MINDY4B: variants seen among roughly 807,000 people sequenced by gnomAD.
MINDY4B encodes the protein MINDY family member 4B.
MINDY4B carries 25 observed loss-of-function variants against 16.7 expected under a neutral mutation model. The observed-to-expected ratio is 1.49, with a 90% confidence interval of 1.09 to 2.09. The LOEUF is 2.09. Among genes scored for constraint, MINDY4B ranks in the 30% most tolerant of loss-of-function variants. The pLI, the probability that MINDY4B is intolerant of heterozygous loss-of-function variation, is 0.00. For synonymous variants in MINDY4B, 132 were observed against 61.9 expected (o/e 2.13, Z -5.32); for missense variants, 327 against 168.4 (o/e 1.94, Z -5.21).
At chr3:150,897,352 T>C (rs1336018834) in intron 3 of MINDY4B, among the ~76,000 whole-genome samples, 2 of 151,614 alleles carry the variant, frequency 1.3e-5, no homozygotes, top group Non-Finnish European at 2.9e-5. Flanking sequence ...TGTGTGTGTG[T>C]GTGTGTGTGT....
chr3:150,904,357 T>C (rs1712191453), intron 2 of MINDY4B, among the ~76,000 whole-genome samples: 1 of 152,244 alleles, frequency 6.6e-6, no homozygotes, highest in South Asian at 2.1e-4. Context: ...ATTTAGACTG[T>C]GGTTAAGAGA....
At chr3:150,873,490 G>A (rs540615306) in intron 10 of MINDY4B, 123 bp from the exon 11 acceptor site, 1 of 607,044 alleles carries the variant, frequency 1.6e-6, no homozygotes, top group Non-Finnish European at 2.9e-6. Flanking sequence ...CGCGTGCAGG[G>A]CACTGTACAT....
chr3:150,895,520 C>T (rs1011769184), intron 3 of MINDY4B, among the ~76,000 whole-genome samples: 13 of 152,084 alleles, frequency 8.5e-5, no homozygotes, highest in Non-Finnish European at 1.0e-4. Context: ...GGCTGGAGTA[C>T]GCTGTCACGA....
chr3:150,877,281 T>C (rs1711498133), intron 10 of MINDY4B, among the ~76,000 whole-genome samples: 1 of 152,088 alleles, frequency 6.6e-6, no homozygotes, highest in Non-Finnish European at 1.5e-5. Flanking sequence ...CATCAGTACA[T>C]AAAAATAACC....
chr3:150,897,412 T>A (rs1230183656), intron 3 of MINDY4B, among the ~76,000 whole-genome samples: 2 of 147,476 alleles, frequency 1.4e-5, no homozygotes, highest in Non-Finnish European at 3.0e-5. Flanking sequence ...GATTGCAAAG[T>A]ACCCTGGGCC....
intron 10 of MINDY4B, among the ~76,000 whole-genome samples, chr3:150,876,898 C>T (rs574445): frequency 0.45 from 68,261 of 151,892 alleles, 17,084 homozygotes; most frequent in Non-Finnish European, 0.57. Context: ...GGTATTGGAA[C>T]CTCACACTCA....
intron 7 of MINDY4B, among the ~76,000 whole-genome samples, chr3:150,889,065 G>A (rs928547881): frequency 6.6e-6 from 1 of 152,158 alleles, no homozygotes; most frequent in African/African-American, 2.4e-5. Flanking sequence ...AACATTTCAC[G>A]TCAGGTACTT....
chr3:150,894,880 A>T (rs1471346694), intron 3 of MINDY4B, among the ~76,000 whole-genome samples: 1 of 152,248 alleles, frequency 6.6e-6, no homozygotes, highest in African/African-American at 2.4e-5. Context: ...CTTGTGTGGG[A>T]TATAGTTATG....
At chr3:150,893,632 CT>C (rs1309463905) in intron 4 of MINDY4B, among the ~76,000 whole-genome samples, 1 of 143,958 alleles carries the variant, frequency 6.9e-6, no homozygotes, top group Non-Finnish European at 1.5e-5. Context: ...GGACTGGTGA[CT>C]GGGGATGTAT....
At chr3:150,879,827 T>C (rs1026184891) in intron 10 of MINDY4B, among the ~76,000 whole-genome samples, 1 of 152,206 alleles carries the variant, frequency 6.6e-6, no homozygotes, top group Admixed American at 6.5e-5. Flanking sequence ...AGGGTTGACA[T>C]CACTGCTCTC....
intron 10 of MINDY4B, among the ~76,000 whole-genome samples, chr3:150,880,774 T>G (rs960542849): frequency 6.6e-6 from 1 of 152,222 alleles, no homozygotes; most frequent in African/African-American, 2.4e-5. Flanking sequence ...CACTAGAACT[T>G]GTTTCCAGTA....
intron 11 of MINDY4B, among the ~76,000 whole-genome samples, chr3:150,871,447 G>A (rs889517038): frequency 6.6e-6 from 1 of 152,004 alleles, no homozygotes; most frequent in African/African-American, 2.4e-5. Flanking sequence ...TGAGTCAGTG[G>A]TAACCTGGGT....
intron 9 of MINDY4B, among the ~76,000 whole-genome samples, chr3:150,883,409 CTTGT>C (rs1711556227): frequency 2.0e-5 from 3 of 151,306 alleles, no homozygotes; most frequent in Admixed American, 2.0e-4. Context: ...CCTGGTGGGT[CTTGT>C]CAAGATATTT....
At chr3:150,880,652 T>C (rs1559964962) in intron 10 of MINDY4B, among the ~76,000 whole-genome samples, 1 of 152,222 alleles carries the variant, frequency 6.6e-6, no homozygotes. Flanking sequence ...TGAGAAACGC[T>C]GTTTTAAGTC....
intron 5 of MINDY4B, among the ~76,000 whole-genome samples, chr3:150,892,430 A>G (rs950625953): frequency 6.6e-6 from 1 of 152,250 alleles, no homozygotes; most frequent in East Asian, 1.9e-4. Flanking sequence ...GGAAACTGGC[A>G]GTTCACAATC....
In MINDY4B at chr3:150,893,410, C is replaced by A; in HGVS notation, c.435G>T (p.Gly145=). The change falls in exon 5 of 12, where the codon GGG becomes GGT. Residue 145 remains glycine (G), a synonymous_variant. Coordinates refer to ENST00000465419, the MANE Select transcript of MINDY4B (RefSeq NM_001351281.2). ...LAFTLEVGKG[G]ARSIQMAVQG... ...GCACAGCCATCTGAATGCTTCGGGC[C>A]CCTCCCTGAAATGAGGAGAATGAAT... The A allele has an allele frequency of 1.4e-6, 1 of 702,732 alleles. No homozygotes were observed. The highest frequency in any genetic ancestry group is 2.6e-6 in the Non-Finnish European group (1 of 384,820). The allele number at this position is 702,732 out of a possible 1,614,324, so 43.5% of individuals were successfully genotyped here.
chr3:150,885,254 GA>G, intron 8 of MINDY4B, 113 bp downstream of exon 8: 1 of 628,252 alleles, frequency 1.6e-6, no homozygotes, highest in South Asian at 1.8e-5. Context: ...GAATCTACTA[GA>G]AAAAAACATT....
chr3:150,894,744 G>A (rs1226774756), intron 3 of MINDY4B, among the ~76,000 whole-genome samples: 1 of 152,146 alleles, frequency 6.6e-6, no homozygotes, highest in Non-Finnish European at 1.5e-5. Context: ...AGCACGTTGA[G>A]ATTCAAGAGG....
chr3:150,888,947 C>A (rs1711698754), intron 7 of MINDY4B, among the ~76,000 whole-genome samples: 2 of 152,126 alleles, frequency 1.3e-5, no homozygotes, highest in Non-Finnish European at 2.9e-5. Flanking sequence ...GAGGGGTTTG[C>A]CTGTTTTTGC....
Sources: allele counts gnomAD v4.1 joint callset (sites outside exome capture counted in the v4.1 genomes callset), GRCh38; gene constraint gnomAD v4.1.1; transcripts MANE v1.5; gene names NCBI Gene and HGNC (gene_info 2026-07-23, HGNC 2026-07-21).